Variants in SLC39A11 observed in about 807,000 individuals in gnomAD.
SLC39A11 encodes the protein solute carrier family 39 member 11.
A neutral mutation model predicts 36.1 loss-of-function variants in SLC39A11; 33 were observed. The observed-to-expected ratio is 0.91, with a 90% CI of 0.69 to 1.22. The LOEUF (loss-of-function observed/expected upper bound fraction) is 1.22, where lower values mean the gene tolerates loss of function less well. Among genes scored for constraint, SLC39A11 ranks in the 50% most tolerant of loss-of-function variants. SLC39A11 has a pLI of 0.00. For missense variants in SLC39A11, 432 were observed against 430.3 expected (o/e 1.00, Z -0.03); for synonymous variants, 166 against 170.3 (o/e 0.97, Z 0.20).
chr17:72,766,714 C>T (rs1406773491), intron 6 of SLC39A11, among the ~76,000 whole-genome samples: 1 of 152,174 alleles, frequency 6.6e-6, no homozygotes, highest in African/African-American at 2.4e-5. Context: ...GTTATTTGCT[C>T]TCCCACCCTC....
intron 4 of SLC39A11, among the ~76,000 whole-genome samples, chr17:73,015,293 C>T (rs1344145654): frequency 6.6e-6 from 1 of 152,162 alleles, no homozygotes; most frequent in Non-Finnish European, 1.5e-5. Flanking sequence ...ATACTGCATT[C>T]ATGTCATAGT....
chr17:72,967,399 A>AGAGAGAGAGAGAGT (rs143987646), intron 4 of SLC39A11, among the ~76,000 whole-genome samples: 2,304 of 137,998 alleles, frequency 0.017, 27 homozygotes, highest in Middle Eastern at 0.028. Context: ...AGAGAGAGAG[A>AGAGAGAGAGAGAGT]GTGTGTGTGT....
chr17:72,734,067 C>T (rs1426084454), intron 7 of SLC39A11, among the ~76,000 whole-genome samples: 1 of 152,150 alleles, frequency 6.6e-6, no homozygotes, highest in Non-Finnish European at 1.5e-5. Context: ...TCAGCACATA[C>T]CTTTCCCTCA....
At chr17:72,720,262 C>G (rs2073603977) in intron 7 of SLC39A11, among the ~76,000 whole-genome samples, 1 of 152,198 alleles carries the variant, frequency 6.6e-6, no homozygotes. Context: ...ATGACGAAGT[C>G]AGCCTGGGAG....
chr17:72,847,043 C>G (rs1309241025), intron 6 of SLC39A11, among the ~76,000 whole-genome samples: 2 of 152,114 alleles, frequency 1.3e-5, no homozygotes, highest in Non-Finnish European at 2.9e-5. Context: ...CTTTGGCCAT[C>G]TTTGTGCAGT....
At chr17:73,026,359 T>C (rs1347967504) in intron 4 of SLC39A11, among the ~76,000 whole-genome samples, 1 of 148,900 alleles carries the variant, frequency 6.7e-6, no homozygotes, top group East Asian at 2.0e-4. Context: ...CTACTAAAAG[T>C]ACAAAATTAG....
At chr17:72,975,895 G>T (rs2087805417) in intron 4 of SLC39A11, among the ~76,000 whole-genome samples, 1 of 152,174 alleles carries the variant, frequency 6.6e-6, no homozygotes, top group East Asian at 1.9e-4. Context: ...GATAGGCCAG[G>T]CGTGGTGGCT....
chr17:72,738,029 G>C (rs2074508221), intron 6 of SLC39A11, among the ~76,000 whole-genome samples: 1 of 152,156 alleles, frequency 6.6e-6, no homozygotes. Context: ...ATTGAGAACG[G>C]AGTCTTGCTC....
chr17:73,080,141 A>T (rs1293535325), intron 3 of SLC39A11, among the ~76,000 whole-genome samples: 1 of 152,188 alleles, frequency 6.6e-6, no homozygotes, highest in East Asian at 1.9e-4. Flanking sequence ...AATAATCCTA[A>T]AATTCGTATG....
At chr17:72,671,675 C>T (rs908349529) in intron 7 of SLC39A11, among the ~76,000 whole-genome samples, 9 of 151,854 alleles carry the variant, frequency 5.9e-5, no homozygotes, top group African/African-American at 1.7e-4. Flanking sequence ...AAGCAGAGAT[C>T]GTGCCACTGC....
intron 3 of SLC39A11, among the ~76,000 whole-genome samples, chr17:73,070,382 C>G (rs916748226): frequency 3.3e-5 from 5 of 152,150 alleles, no homozygotes; most frequent in African/African-American, 1.2e-4. Context: ...CAGCCTCCTC[C>G]CAGGCTTCCC....
chr17:72,703,977 AATTAGCCGGGC>A (rs1375771456), intron 7 of SLC39A11, among the ~76,000 whole-genome samples: 1 of 152,132 alleles, frequency 6.6e-6, no homozygotes, highest in African/African-American at 2.4e-5. Context: ...AAAATACAAA[AATTAGCCGGGC>A]ATGGTGGCAT....
intron 6 of SLC39A11, among the ~76,000 whole-genome samples, chr17:72,838,421 G>T (rs1278049871): frequency 6.6e-6 from 1 of 151,576 alleles, no homozygotes; most frequent in Non-Finnish European, 1.5e-5. Context: ...TAGAGATGGG[G>T]GTCTCGTCAT....
chr17:72,819,490 G>C (rs1319354802), intron 6 of SLC39A11, among the ~76,000 whole-genome samples: 1 of 151,260 alleles, frequency 6.6e-6, no homozygotes, highest in Non-Finnish European at 1.5e-5. Flanking sequence ...GAAAGGAAAG[G>C]GGGCAGATGG....
intron 6 of SLC39A11, among the ~76,000 whole-genome samples, chr17:72,801,464 T>G (rs1310411306): frequency 6.6e-6 from 1 of 152,182 alleles, no homozygotes; most frequent in Non-Finnish European, 1.5e-5. Flanking sequence ...TGACCTCAAG[T>G]GATCCTCCCG....
At chr17:72,918,723 G>A (rs1047065071) in intron 5 of SLC39A11, among the ~76,000 whole-genome samples, 3 of 152,272 alleles carry the variant, frequency 2.0e-5, no homozygotes, top group South Asian at 2.1e-4. Flanking sequence ...GTCAGCCTGC[G>A]GAGCACCTCA....
At chr17:72,656,548 C>T (rs1403131280) in intron 7 of SLC39A11, among the ~76,000 whole-genome samples, 2 of 151,370 alleles carry the variant, frequency 1.3e-5, no homozygotes, top group African/African-American at 2.4e-5. Flanking sequence ...AAGGGAGGGT[C>T]GACAGGGCAG....
At chr17:73,006,087 G>C (rs1011804552) in intron 4 of SLC39A11, among the ~76,000 whole-genome samples, 5 of 152,072 alleles carry the variant, frequency 3.3e-5, no homozygotes, top group African/African-American at 1.2e-4. Context: ...TCATTGTCAC[G>C]ACATGTCCCG....
intron 6 of SLC39A11, among the ~76,000 whole-genome samples, chr17:72,739,708 C>T (rs911695509): frequency 1.3e-5 from 2 of 152,210 alleles, no homozygotes; most frequent in South Asian, 2.1e-4. Flanking sequence ...CTCCCTTTAA[C>T]AGCTCTGAGG....
Sources: gnomAD v4.1 joint callset for allele counts (sites outside exome capture counted in the v4.1 genomes callset) on GRCh38, gnomAD v4.1.1 for gene constraint, MANE v1.5 for transcripts, NCBI Gene and HGNC (gene_info 2026-07-23, HGNC 2026-07-21) for gene names.